The following AKAP11 variants were observed in gnomAD, a reference collection of about 807,000 sequenced individuals.
AKAP11 encodes A-kinase anchor protein 11.
Under a neutral mutation model 146.1 loss-of-function variants are expected in AKAP11, and 36 were observed. That is an observed-to-expected ratio of 0.25 (90% confidence interval 0.19 to 0.33). AKAP11 has a LOEUF of 0.33. Ranked by LOEUF, AKAP11 falls within the 10% of genes least tolerant of loss-of-function variation. AKAP11 has a pLI of 1.00. For synonymous variants in AKAP11, 780 were observed against 786.5 expected (o/e 0.99, Z 0.14); for missense variants, 2,201 against 2,197.0 (o/e 1.00, Z -0.04).
chr13:42,297,674 T>C (rs1355159524), intron 6 of AKAP11, among the ~76,000 whole-genome samples: 1 of 152,038 alleles, frequency 6.6e-6, no homozygotes, highest in Non-Finnish European at 1.5e-5. Context: ...TTTTATAATA[T>C]TCAGCATTTA....
rs1961093007 is a variant in AKAP11, at chr13:42,321,677, A to G, written c.*2449A>G. 1 of 152,294 alleles carries G rather than the reference A, an allele frequency of 6.6e-6. No homozygotes were observed. The highest frequency in any genetic ancestry group is 2.1e-4 in the South Asian group (1 of 4,832). 9.4% of individuals were successfully genotyped at this position (152,294 alleles called of 1,614,324 possible). ...AAGGCACTTTGTGGTTTTTCCAAAG[A>G]TGTTCTAGATCTATTTGGTTGCTCT... On this transcript the variant is annotated 3_prime_UTR_variant, in exon 13 of 13. Coordinates refer to ENST00000025301, the MANE Select transcript of AKAP11 (RefSeq NM_016248.4).
Position 42,302,495 on chromosome 13 carries a change from A to G in AKAP11, c.3749A>G (p.Asp1250Gly). 1 of 1,614,170 alleles carries G rather than the reference A, an allele frequency of 6.2e-7. No individual in the cohort carries two copies. The highest frequency in any genetic ancestry group is 8.5e-7 in the Non-Finnish European group (1 of 1,180,016). ...TCGCCTACTTTTTTAAACCCCTCAGACGAAAATTTGAAAACATTATGCAAT... is the reference window on the plus strand; with the variant it reads ...TCGCCTACTTTTTTAAACCCCTCAGGCGAAAATTTGAAAACATTATGCAAT... ...SVSPTFLNPSDENLKTLCNFA... is the reference protein window; with the variant it reads ...SVSPTFLNPSGENLKTLCNFA... Residue 1250 changes from aspartate to glycine, a missense_variant, in exon 8 of 13, where the codon GAC (aspartate) becomes GGC (glycine). Physicochemically the swap from Asp to Gly is moderately conservative, Grantham distance 94. Transcript: ENST00000025301.
At chr13:42,287,926 T>C (rs1273796741) in intron 3 of AKAP11, among the ~76,000 whole-genome samples, 2 of 152,214 alleles carry the variant, frequency 1.3e-5, no homozygotes, top group Non-Finnish European at 2.9e-5. Context: ...TTCATACTAT[T>C]ATTACCAGGT....
At chr13:42,275,068 G>T (rs1958881834) in intron 1 of AKAP11, among the ~76,000 whole-genome samples, 2 of 152,196 alleles carry the variant, frequency 1.3e-5, no homozygotes, top group Non-Finnish European at 2.9e-5. Context: ...AAAAGCATTT[G>T]TCATACAGTG....
At position 42,312,832 on chromosome 13, in the gene AKAP11, C is replaced by T. The variant is rs117296460; in HGVS notation, c.5274-215C>T. Among the ~76,000 whole-genome samples, 26 of 152,288 alleles carry T rather than the reference C, an allele frequency of 1.7e-4. 2 individuals carry two copies. In the East Asian group the frequency reaches 5.0e-3, roughly 29 times the overall value. On this transcript the variant is annotated intron_variant, in intron 9 of 12. Coordinates refer to ENST00000025301, the MANE Select transcript of AKAP11 (RefSeq NM_016248.4). ...TATAAGTTTAGATAATTTTCATGAT[C>T]TGTTGAGAAGAAAGAAAAAACTCCC...
chr13:42,281,205 A>G (rs1214958065), intron 1 of AKAP11, among the ~76,000 whole-genome samples: 2 of 152,250 alleles, frequency 1.3e-5, no homozygotes, highest in East Asian at 1.9e-4. Context: ...AAATATTAGT[A>G]TTTGAGTAAC....
chr13:42,273,096 A>G (rs1460258636), intron 1 of AKAP11, among the ~76,000 whole-genome samples: 1 of 152,236 alleles, frequency 6.6e-6, no homozygotes, highest in Non-Finnish European at 1.5e-5. Context: ...TAGCTTTAGT[A>G]CAAACTGGAG....
At position 42,306,058 on chromosome 13, in the gene AKAP11, G is replaced by A. The variant is rs1191702269; in HGVS notation, c.5117+2195G>A. ...TCCCTCCCTGGGGGTTACAATTTGA[G>A]ATGAGATTTGGGTAGGGACATAGAG... On this transcript the variant is annotated intron_variant, in intron 8 of 12. Coordinates refer to ENST00000025301, the MANE Select transcript of AKAP11 (RefSeq NM_016248.4). Among the ~76,000 whole-genome samples, 3 of 152,166 alleles carry A rather than the reference G, an allele frequency of 2.0e-5. 1 individual carries two copies. The highest frequency in any genetic ancestry group is 4.4e-5 in the Non-Finnish European group (3 of 68,030).
At chr13:42,288,511 A>G (rs1959182765) in intron 3 of AKAP11, among the ~76,000 whole-genome samples, 1 of 152,212 alleles carries the variant, frequency 6.6e-6, no homozygotes, top group Admixed American at 6.5e-5. Context: ...GAATAACAAC[A>G]TCTTCCCACA....
chr13:42,301,414 T>G lies in AKAP11; in HGVS notation c.2668T>G (p.Ser890Ala). ...VHTIVNETLE[S>A]MTSLEVTKMV... is the part of the protein sequence containing the mutation. The stretch of plus-strand genomic sequence containing the variant: ...TACGATAGTAAATGAAACTTTAGAG[T>G]CAATGACATCATTGGAAGTTACAAA... Residue 890 changes from serine (S) to alanine (A), a missense_variant, in exon 8 of 13, where the codon TCA (serine) becomes GCA (alanine). Physicochemically the swap from Ser to Ala is moderately conservative, Grantham distance 99. Around this residue, in one of 3 missense-constraint regions of AKAP11, gnomAD observed 1,867 missense variants for 1,833.5 expected, o/e 1.02. Transcript: ENST00000025301. 6.2e-7 allele frequency: 1 copy of G among 1,613,428 alleles called. No individual in the cohort carries two copies. The highest frequency in any genetic ancestry group is 1.1e-5 in the South Asian group (1 of 90,882).
At chr13:42,296,646 G>T (rs1486282159) in intron 5 of AKAP11, among the ~76,000 whole-genome samples, 1 of 151,780 alleles carries the variant, frequency 6.6e-6, no homozygotes, top group Non-Finnish European at 1.5e-5. Flanking sequence ...ATTGTACAGA[G>T]TTTTTAAAAA....
Position 42,303,631 on chromosome 13 carries a change from A to T in AKAP11, c.4885A>T (p.Lys1629Ter). ...SNPKFSSRYQKSRIFHLSVPQ... is the reference protein window; with the variant it reads ...SNPKFSSRYQ Reference sequence around the variant, plus strand: ...TCCAAAATTTAGCAGCCGCTATCAGAAATCTAGGATTTTTCATCTCAGTGT... The same window carrying T: ...TCCAAAATTTAGCAGCCGCTATCAGTAATCTAGGATTTTTCATCTCAGTGT... The change falls in exon 8 of 13, where the codon AAA (lysine) becomes TAA (stop). Residue 1629 changes from lysine to a stop codon, truncating the protein, a stop_gained. Coordinates refer to ENST00000025301, the MANE Select transcript of AKAP11 (RefSeq NM_016248.4). LOFTEE classifies it high-confidence loss of function. 6.2e-7 allele frequency: 1 copy of T among 1,614,194 alleles called. No homozygotes were observed. The highest frequency in any genetic ancestry group is 2.2e-5 in the East Asian group (1 of 44,886).
chr13:42,298,878 GT>G, intron 7 of AKAP11, 81 bp downstream of exon 7: 1 of 1,377,872 alleles, frequency 7.3e-7, no homozygotes, highest in South Asian at 1.5e-5. Context: ...GGCTTGTTCA[GT>G]TGAAATTTAT....
chr13:42,288,510 C>T (rs866063208), intron 3 of AKAP11, among the ~76,000 whole-genome samples: 10 of 152,204 alleles, frequency 6.6e-5, no homozygotes, highest in Middle Eastern at 3.2e-3. Flanking sequence ...GGAATAACAA[C>T]ATCTTCCCAC....
At chr13:42,292,136 G>C (rs912728174) in intron 3 of AKAP11, among the ~76,000 whole-genome samples, 1 of 152,172 alleles carries the variant, frequency 6.6e-6, no homozygotes, top group Non-Finnish European at 1.5e-5. Context: ...GAGATCTCAC[G>C]TGATCTTCTA....
chr13:42,292,252 C>T (rs1047154056), intron 3 of AKAP11, 133 bp from the exon 4 acceptor site: 24 of 444,460 alleles, frequency 5.4e-5, no homozygotes, highest in Admixed American at 2.1e-4. Context: ...AATTGAGTTC[C>T]GCATTCAGTA....
Position 42,302,771 on chromosome 13 carries a change from C to G in AKAP11, c.4025C>G (p.Thr1342Arg). Residue 1342 changes from threonine to arginine, a missense_variant, in exon 8 of 13, where the codon ACA becomes AGA. Physicochemically the swap from Thr to Arg is moderately conservative, Grantham distance 71. This residue lies in a region of AKAP11 where 1,867 missense variants were observed against 1,833.5 expected (regional missense o/e 1.02). Transcript: ENST00000025301. ...AAGTATCCCAGCTGTGAAAGTGTGA[C>G]AGATGAATATGCAGGTCACCTTATT... ...MYKYPSCESVTDEYAGHLIQI... is the reference protein window; with the variant it reads ...MYKYPSCESVRDEYAGHLIQI... 1 of 1,614,058 alleles carries G rather than the reference C, an allele frequency of 6.2e-7. No homozygotes were observed. The highest frequency in any genetic ancestry group is 1.3e-5 in the African/African-American group (1 of 75,002).
In AKAP11 at chr13:42,319,796, CT is replaced by C. The variant is rs2138735823; in HGVS notation, c.*570del. The stretch of plus-strand genomic sequence containing the variant: ...TTGATTTCCCCAAACTATTTAATTT[CT>C]TAGCAGAAACATTAGTATTTTAGGT... On this transcript the variant is annotated 3_prime_UTR_variant, in exon 13 of 13. Transcript: ENST00000025301. 1 of 152,472 alleles carries C rather than the reference CT, an allele frequency of 6.6e-6. No homozygotes were observed. Among genetic ancestry groups the C allele is most frequent in the African/African-American group, 2.4e-5 (1 of 41,520 alleles). The allele number at this position is 152,472 out of a possible 1,614,324, so 9.4% of individuals were successfully genotyped here.
At chr13:42,313,855 A>T in intron 10 of AKAP11, 39 bp from the exon 11 acceptor site, 1 of 1,592,456 alleles carries the variant, frequency 6.3e-7, no homozygotes, top group Non-Finnish European at 8.6e-7. Flanking sequence ...TTATTAATTA[A>T]ATTTTTTTTG....
Sources: gnomAD v4.1 joint callset for allele counts (sites outside exome capture counted in the v4.1 genomes callset) on GRCh38, gnomAD v4.1.1 for gene constraint, gnomAD v4.1.1 regional missense constraint, MANE v1.5 for transcripts, NCBI Gene and HGNC (gene_info 2026-07-23, HGNC 2026-07-21) for gene names.